Variants in IGSF22 observed in about 807,000 individuals in gnomAD.
The protein encoded by IGSF22 is immunoglobulin superfamily member 22.
In IGSF22, 119 loss-of-function variants were observed where a neutral mutation model predicts 127.0. That is an observed-to-expected ratio of 0.94 (90% confidence interval 0.81 to 1.09). IGSF22 has a LOEUF of 1.09. IGSF22 is among the 50% of genes least tolerant of loss of function. IGSF22 has a pLI of 0.00. For missense variants in IGSF22, 1,518 were observed against 1,716.6 expected (o/e 0.88, Z 2.04); for synonymous variants, 568 against 664.7 (o/e 0.85, Z 2.24).
chr11:18,709,585 C>G lies in IGSF22; in HGVS notation c.2800G>C (p.Gly934Arg). The change falls in exon 18 of 23, where the codon GGC (glycine) becomes CGC (arginine). Residue 934 changes from glycine to arginine, a missense_variant. Gly to Arg is a moderately radical substitution (Grantham distance 125, BLOSUM62 -2). Around this residue, in one of 3 missense-constraint regions of IGSF22, gnomAD observed 1,456 missense variants for 1,644.9 expected, o/e 0.89. Transcript: ENST00000513874. The surrounding 1 kb of genome is among the most constrained non-coding windows in gnomAD (Gnocchi z 4.8). The stretch of plus-strand genomic sequence containing the variant: ...TCAGCCCTCATCTCAAGGATGTAGC[C>G]AGAGGGTGGGTCTCCCTCTGCAGGC... Reference protein sequence around the residue: ...REPAEGDPPSGYILEMRAEDT... With the variant: ...REPAEGDPPSRYILEMRAEDT... 10 of 1,614,172 alleles carry G rather than the reference C, an allele frequency of 6.2e-6. No homozygotes were observed. Among genetic ancestry groups the G allele is most frequent in the Non-Finnish European group, 8.5e-6 (10 of 1,180,042 alleles).
chr11:18,717,422 G>A (rs963160378), intron 9 of IGSF22, among the ~76,000 whole-genome samples: 2 of 62,930 alleles, frequency 3.2e-5, no homozygotes, highest in African/African-American at 1.4e-4. Context: ...CAGAGTCTGC[G>A]TTCTTTTTTT....
At chr11:18,711,265 C>T (rs546629393) in intron 15 of IGSF22, among the ~76,000 whole-genome samples, 10 of 152,126 alleles carry the variant, frequency 6.6e-5, no homozygotes, top group Admixed American at 3.3e-4. Flanking sequence ...AATGTATAGC[C>T]GACATTGAGA....
In IGSF22 at chr11:18,712,233, A is replaced by C; in HGVS notation, c.2247T>G (p.Ile749Met). 1.3e-6 allele frequency: 2 copies of C among 1,551,734 alleles called. No individual in the cohort carries two copies. The highest frequency in any genetic ancestry group is 1.7e-6 in the Non-Finnish European group (2 of 1,146,998). ...CTTTGCCGTCCACCTCGCCTATCTTAATCCAGGACTTCTTGCCAACTGCCC... is the reference window on the plus strand; with the variant it reads ...CTTTGCCGTCCACCTCGCCTATCTTCATCCAGGACTTCTTGCCAACTGCCC... ...ERRAVGKKSW[I>M]KIGEVDGKVT... is the part of the protein sequence containing the mutation. The change falls in exon 15 of 23, where the codon ATT (isoleucine) becomes ATG (methionine). Residue 749 changes from isoleucine to methionine, a missense_variant. Coordinates refer to ENST00000513874, the MANE Select transcript of IGSF22 (RefSeq NM_173588.4).
At chr11:18,705,791 G>A (rs1419234401) in intron 22 of IGSF22, 26 bp downstream of exon 22, 22 of 1,517,304 alleles carry the variant, frequency 1.4e-5, no homozygotes, top group Admixed American at 2.0e-5. Context: ...CCCCCTCCTC[G>A]AGGCCGGACC....
chr11:18,722,547 G>A (rs1026509301), intron 2 of IGSF22, among the ~76,000 whole-genome samples: 1 of 152,174 alleles, frequency 6.6e-6, no homozygotes, highest in Non-Finnish European at 1.5e-5. Context: ...TCCCACTCCA[G>A]TGGAGCTATA....
chr11:18,721,679 G>A lies in IGSF22; in HGVS notation c.242-8C>T. 1 of 1,614,186 alleles carries A rather than the reference G, an allele frequency of 6.2e-7. No homozygotes were observed. The highest frequency in any genetic ancestry group is 8.5e-7 in the Non-Finnish European group (1 of 1,180,040). On this transcript the variant is annotated splice_region_variant and splice_polypyrimidine_tract_variant and intron_variant, in intron 3 of 22. Transcript: ENST00000513874. ...GGAACACGGCTTTGTCCCCTGCGAT[G>A]AGCACAGGACGCGTTTTCGCCTCTT...
Position 18,708,011 on chromosome 11 carries a change from G to A in IGSF22, c.3088-15C>T, listed in dbSNP as rs780721299. On this transcript the variant is annotated splice_polypyrimidine_tract_variant and intron_variant, in intron 19 of 22. Coordinates refer to ENST00000513874, the MANE Select transcript of IGSF22 (RefSeq NM_173588.4). Reference sequence around the variant, plus strand: ...GGTGGTGAGCCCTGAGTAGTGACAGGAGATGGCACAACTGGTCACACAGAT... The same window carrying A: ...GGTGGTGAGCCCTGAGTAGTGACAGAAGATGGCACAACTGGTCACACAGAT... The A allele has an allele frequency of 1.2e-6, 2 of 1,613,648 alleles. No individual in the cohort carries two copies. The highest frequency in any genetic ancestry group is 4.5e-5 in the East Asian group (2 of 44,898).
intron 3 of IGSF22, 112 bp downstream of exon 3, chr11:18,721,798 C>A: frequency 6.3e-7 from 1 of 1,582,110 alleles, no homozygotes; most frequent in South Asian, 1.1e-5. Flanking sequence ...GAACCCTCGG[C>A]CAGGCTCTGC....
intron 17 of IGSF22, 148 bp downstream of exon 17, chr11:18,710,179 G>T: frequency 9.6e-7 from 1 of 1,040,502 alleles, no homozygotes; most frequent in Non-Finnish European, 1.4e-6. Context: ...TCTCTTGTGT[G>T]TGAATCTTGT....
chr11:18,707,203 C>A lies in IGSF22; in HGVS notation c.3291G>T (p.Arg1097=). 1 of 1,528,470 alleles carries A rather than the reference C, an allele frequency of 6.5e-7. No individual in the cohort carries two copies. Among genetic ancestry groups the A allele is most frequent in the Non-Finnish European group, 8.8e-7 (1 of 1,132,826 alleles). 94.7% of individuals were successfully genotyped at this position (1,528,470 alleles called of 1,614,324 possible). ...DIHVRVADFP[R]PPTNLRLFEE... is the part of the protein sequence containing the mutation. ...CAAACAACCGTAGGTTTGTGGGGGG[C>A]CGAGGGAAATCTGGAAGAGTTGGAA... The change falls in exon 21 of 23, where the codon CGG becomes CGT. Residue 1097 remains arginine, a synonymous_variant. Coordinates refer to ENST00000513874, the MANE Select transcript of IGSF22 (RefSeq NM_173588.4).
rs773495222 is a variant in IGSF22 at position 18,716,319 on chromosome 11, C to T, written c.1246+409G>A. ...TTCCATGTGATATAGATTCCAGGTG[C>T]GGTTCAGATGTGTGACATGCTCATT... On this transcript the variant is annotated intron_variant, in intron 10 of 22. Transcript: ENST00000513874. The surrounding 1 kb of genome is among the most constrained non-coding windows in gnomAD (Gnocchi z 4.5). Among the ~76,000 whole-genome samples, 10 of 152,132 alleles carry T rather than the reference C, an allele frequency of 6.6e-5. No homozygotes were observed. The highest frequency in any genetic ancestry group is 1.2e-4 in the Non-Finnish European group (8 of 68,046).
chr11:18,713,907 G>C lies in IGSF22; in HGVS notation c.2040C>G (p.Leu680=). Reference sequence around the variant, plus strand: ...CTGAGCCGTGGTCATTCTTGAGCTTGAGCAGGATGAGGCCGCTGTCTTCAC... The same window carrying C: ...CTGAGCCGTGGTCATTCTTGAGCTTCAGCAGGATGAGGCCGCTGTCTTCAC... ...CVREDSGLIL[L]KLKNDHGSAT... The change falls in exon 14 of 23, where the codon CTC becomes CTG. Residue 680 remains leucine, a synonymous_variant. Transcript: ENST00000513874. 6.2e-7 allele frequency: 1 copy of C among 1,614,248 alleles called. No homozygotes were observed. The highest frequency in any genetic ancestry group is 8.5e-7 in the Non-Finnish European group (1 of 1,180,048).
chr11:18,706,833 T>G, intron 21 of IGSF22, 81 bp downstream of exon 21: 1 of 1,106,386 alleles, frequency 9.0e-7, no homozygotes, highest in South Asian at 1.8e-5. Context: ...ATCTTGCCTC[T>G]TGGGTACCCT....
intron 8 of IGSF22, 27 bp downstream of exon 8, chr11:18,718,588 G>T: frequency 7.7e-7 from 1 of 1,291,354 alleles, no homozygotes; most frequent in Non-Finnish European, 1.1e-6. Context: ...ATATTGCCAA[G>T]GTGGACCCTG....
chr11:18,720,692 T>C lies in IGSF22; in HGVS notation c.379-407A>G, dbSNP rs540837163. Among the ~76,000 whole-genome samples, 27 of 152,308 alleles carry C rather than the reference T, an allele frequency of 1.8e-4. 1 individual carries two copies. The East Asian group carries it at 5.2e-3, about 29-fold the overall frequency. Reference sequence around the variant, plus strand: ...ACAGTGGTGAGTAAGGCTGACTTGATGCCCGTCTGCATGGTGCTTGCAGAA... The same window carrying C: ...ACAGTGGTGAGTAAGGCTGACTTGACGCCCGTCTGCATGGTGCTTGCAGAA... On this transcript the variant is annotated intron_variant, in intron 4 of 22. Transcript: ENST00000513874.
chr11:18,711,203 C>T (rs1227516409), intron 15 of IGSF22, among the ~76,000 whole-genome samples: 1 of 152,014 alleles, frequency 6.6e-6, no homozygotes, highest in Non-Finnish European at 1.5e-5. Flanking sequence ...TATTCTATGC[C>T]TGGTGTGAAT....
At chr11:18,724,358 G>A in intron 1 of IGSF22, 89 bp from the exon 2 acceptor site, 1 of 669,442 alleles carries the variant, frequency 1.5e-6, no homozygotes, top group African/African-American at 1.8e-5. Context: ...CATAAGAGGA[G>A]ATGGAAGCAC....
At chr11:18,720,468 T>C (rs1190327806) in intron 4 of IGSF22, among the ~76,000 whole-genome samples, 183 bp from the exon 5 acceptor site, 1 of 152,066 alleles carries the variant, frequency 6.6e-6, no homozygotes, top group Non-Finnish European at 1.5e-5. Flanking sequence ...AGTGTGAGTA[T>C]GCATGTTTGT....
At chr11:18,717,382 A>C (rs1448643211) in intron 9 of IGSF22, among the ~76,000 whole-genome samples, 2 of 152,084 alleles carry the variant, frequency 1.3e-5, no homozygotes, top group African/African-American at 4.8e-5. Flanking sequence ...AGTGGCAGAA[A>C]GCGGGATTTG....
Sources: gnomAD v4.1 joint callset for allele counts (sites outside exome capture counted in the v4.1 genomes callset) on GRCh38, gnomAD v4.1.1 for gene constraint, gnomAD v4.1.1 regional missense constraint, Gnocchi (gnomAD v3.1) non-coding constraint, MANE v1.5 for transcripts, NCBI Gene and HGNC (gene_info 2026-07-23, HGNC 2026-07-21) for gene names.